The following RNF38 variants were observed in gnomAD, a reference collection of about 807,000 sequenced individuals.
RNF38 encodes ring finger protein 38.
A neutral mutation model predicts 67.2 loss-of-function variants in RNF38; 15 were observed. The observed-to-expected ratio is 0.22, with a 90% CI of 0.15 to 0.34. RNF38 has a LOEUF of 0.34. Among genes scored for constraint, RNF38 ranks in the 10% least tolerant of loss-of-function variants. RNF38 has a pLI of 1.00. For missense variants in RNF38, 524 were observed against 639.9 expected (o/e 0.82, Z 1.95); for synonymous variants, 220 against 218.8 (o/e 1.01, Z -0.05).
At chr9:36,351,614 G>GA (rs1833689945) in intron 8 of RNF38, among the ~76,000 whole-genome samples, 1 of 152,104 alleles carries the variant, frequency 6.6e-6, no homozygotes, top group South Asian at 2.1e-4. Context: ...CTGACATTAA[G>GA]ATAGAAAGAT....
chr9:36,377,668 C>T (rs912955559), intron 2 of RNF38, among the ~76,000 whole-genome samples: 3 of 152,118 alleles, frequency 2.0e-5, no homozygotes, highest in Admixed American at 1.3e-4. Context: ...AGAGACCACT[C>T]CCCCATACCA....
rs567084245 is a variant in RNF38, at chr9:36,484,892, C to T, written n.241+2416G>A. On this transcript the variant is annotated intron_variant and non_coding_transcript_variant, in intron 1 of 3. Transcript: ENST00000488058. ...TCTAAAAATGTATGTATTGGCCGGG[C>T]GCGGTGGCTCACGCCTGTAATCCCA... Among the ~76,000 whole-genome samples the T allele has an allele frequency of 1.5e-4, 23 of 152,308 alleles. No individual in the cohort carries two copies. In the South Asian group the frequency reaches 3.5e-3, roughly 23 times the overall value.
chr9:36,389,202 G>A (rs1183724051), intron 2 of RNF38, among the ~76,000 whole-genome samples: 1 of 151,960 alleles, frequency 6.6e-6, no homozygotes, highest in African/African-American at 2.4e-5. Context: ...GCATCTTTCT[G>A]CAACACTCAA....
intron 11 of RNF38, among the ~76,000 whole-genome samples, chr9:36,341,746 G>A (rs1316768351): frequency 1.5e-5 from 2 of 133,420 alleles, no homozygotes; most frequent in East Asian, 4.4e-4. Context: ...AGCCATGACT[G>A]TACCGCTGCA....
intron 1 of RNF38, among the ~76,000 whole-genome samples, chr9:36,476,870 A>G (rs1840132460): frequency 1.3e-5 from 2 of 151,768 alleles, no homozygotes; most frequent in African/African-American, 4.8e-5. Context: ...TCCTAACTTG[A>G]CTCCAAGTAA....
chr9:36,339,640 T>C lies in RNF38; in HGVS notation c.*112A>G. 1.3e-6 allele frequency: 1 copy of C among 783,642 alleles called. No individual in the cohort carries two copies. Among genetic ancestry groups the C allele is most frequent in the Non-Finnish European group, 2.2e-6 (1 of 453,270 alleles). 48.5% of individuals were successfully genotyped at this position (783,642 alleles called of 1,614,324 possible). A position where few individuals can be genotyped will look rare whatever the true frequency, so the allele number is the denominator to read the frequency against. Reference sequence around the variant, plus strand: ...TCACACAGTGCAAAGAAAGGTCCATTGACCCTTTTGGTAAAGGGAGGGCTG... The same window carrying C: ...TCACACAGTGCAAAGAAAGGTCCATCGACCCTTTTGGTAAAGGGAGGGCTG... On this transcript the variant is annotated 3_prime_UTR_variant, in exon 12 of 12. Transcript: ENST00000259605.
intron 1 of RNF38, among the ~76,000 whole-genome samples, chr9:36,478,541 G>A (rs1450323611): frequency 1.3e-5 from 2 of 151,338 alleles, no homozygotes; most frequent in Non-Finnish European, 1.5e-5. Flanking sequence ...AGATTGGCCG[G>A]GCACGGTGGC....
At chr9:36,395,924 A>G (rs1369575201) in intron 1 of RNF38, among the ~76,000 whole-genome samples, 1 of 152,246 alleles carries the variant, frequency 6.6e-6, no homozygotes, top group Admixed American at 6.5e-5. Context: ...TTTAAATGCT[A>G]TGATCATAAG....
intron 6 of RNF38, among the ~76,000 whole-genome samples, chr9:36,354,637 T>C (rs149619127): frequency 1.4e-4 from 21 of 152,360 alleles, no homozygotes; most frequent in Non-Finnish European, 2.4e-4. Flanking sequence ...TTACATTGCA[T>C]GGATATACCA....
At chr9:36,486,708 G>C (rs200339019) in intron 1 of RNF38, among the ~76,000 whole-genome samples, 1 of 152,190 alleles carries the variant, frequency 6.6e-6, no homozygotes, top group Non-Finnish European at 1.5e-5. Flanking sequence ...CTCTCCCCGA[G>C]AGCACACCCC....
intron 2 of RNF38, among the ~76,000 whole-genome samples, chr9:36,377,787 CACAAT>C (rs1172670855): frequency 3.9e-5 from 6 of 152,106 alleles, no homozygotes; most frequent in African/African-American, 7.2e-5. Flanking sequence ...ATAATATCAA[CACAAT>C]ACAATATAAA....
chr9:36,408,868 A>T (rs758995822), intron 2 of RNF38, among the ~76,000 whole-genome samples: 3 of 152,230 alleles, frequency 2.0e-5, no homozygotes, highest in African/African-American at 7.2e-5. Context: ...TTATACTTAC[A>T]TAAGTGCTTC....
At chr9:36,361,082 G>C (rs1307909420) in intron 4 of RNF38, among the ~76,000 whole-genome samples, 4 of 152,106 alleles carry the variant, frequency 2.6e-5, no homozygotes, top group African/African-American at 9.7e-5. Flanking sequence ...CTCCCAAAGT[G>C]CAGGGATTAC....
intron 11 of RNF38, among the ~76,000 whole-genome samples, chr9:36,342,046 A>C (rs186250905): frequency 2.2e-3 from 333 of 152,300 alleles, no homozygotes; most frequent in African/African-American, 7.8e-3. Flanking sequence ...CTAAACTCTC[A>C]AACTGTGGCC....
rs774713047 is a variant in RNF38 at position 36,353,224 on chromosome 9, AGCTGATGGAGGTAATGTTGGGGGGTGG to A, written c.990_1016del (p.His331_Ala339del). Reference sequence around the variant, plus strand: ...GATCATGTGTTAAGAACTGCAAGGGAGCTGATGGAGGTAATGTTGGGGGGTGGGCTGATGGAGGGTAAGTAAAACCTC... The same window carrying A: ...GATCATGTGTTAAGAACTGCAAGGGAGCTGATGGAGGGTAAGTAAAACCTC... On this transcript the variant is annotated inframe_deletion, in exon 7 of 12. Coordinates refer to ENST00000259605, the MANE Select transcript of RNF38 (RefSeq NM_022781.5). The A allele has an allele frequency of 2.3e-4, 375 of 1,613,984 alleles. No individual in the cohort carries two copies. The highest frequency in any genetic ancestry group is 3.0e-4 in the Non-Finnish European group (357 of 1,179,960).
intron 1 of RNF38, among the ~76,000 whole-genome samples, chr9:36,466,264 A>G (rs1839860407): frequency 6.6e-6 from 1 of 152,182 alleles, no homozygotes; most frequent in South Asian, 2.1e-4. Context: ...GGAAATGGAG[A>G]GTGACTGCCA....
intron 1 of RNF38, among the ~76,000 whole-genome samples, chr9:36,474,598 C>G (rs1047426795): frequency 6.8e-6 from 1 of 147,916 alleles, no homozygotes; most frequent in African/African-American, 2.5e-5. Context: ...TCATCTCCAG[C>G]GAGTTGTTTA....
At chr9:36,421,401 C>T (rs573904078) in intron 2 of RNF38, among the ~76,000 whole-genome samples, 27 of 152,184 alleles carry the variant, frequency 1.8e-4, no homozygotes, top group African/African-American at 5.5e-4. Flanking sequence ...TGGTGGCTCA[C>T]GCCTGTAATA....
chr9:36,352,330 C>A (rs1038402872), intron 8 of RNF38, among the ~76,000 whole-genome samples: 1 of 151,730 alleles, frequency 6.6e-6, no homozygotes. Flanking sequence ...AACAACAAAC[C>A]TACCCATGGG....
Sources: allele counts gnomAD v4.1 joint callset (sites outside exome capture counted in the v4.1 genomes callset), GRCh38; gene constraint gnomAD v4.1.1; transcripts MANE v1.5; gene names NCBI Gene and HGNC (gene_info 2026-07-23, HGNC 2026-07-21).